LARGE1: variants seen among roughly 807,000 people sequenced by gnomAD.
LARGE1 encodes the protein LARGE xylosyl- and glucuronyltransferase 1, also known as xylosyl- and glucuronyltransferase LARGE1.
Under a neutral mutation model 87.6 loss-of-function variants are expected in LARGE1, and 43 were observed. That is an observed-to-expected ratio of 0.49 (90% CI 0.38 to 0.63). The LOEUF (loss-of-function observed/expected upper bound fraction) is 0.63. LARGE1 is among the 30% of genes least tolerant of loss of function. The probability of loss-of-function intolerance (pLI) is 0.00; values close to 1 mark genes in which losing one functional copy is unlikely to be tolerated. For synonymous variants in LARGE1, 434 were observed against 394.6 expected (o/e 1.10, Z -1.18); for missense variants, 802 against 1,000.2 (o/e 0.80, Z 2.67).
At chr22:33,250,625 T>A (rs1206357211) in intron 11 of LARGE1, among the ~76,000 whole-genome samples, 2 of 152,194 alleles carry the variant, frequency 1.3e-5, no homozygotes, top group African/African-American at 4.8e-5. Flanking sequence ...CCACTACGTG[T>A]GATATTAGCT....
chr22:33,700,075 A>T (rs1352109691), intron 2 of LARGE1, among the ~76,000 whole-genome samples: 1 of 152,126 alleles, frequency 6.6e-6, no homozygotes, highest in Non-Finnish European at 1.5e-5. Context: ...CCTTCTCTCC[A>T]GGAGCATGAG....
chr22:33,810,847 C>T (rs1601672614), intron 1 of LARGE1, among the ~76,000 whole-genome samples: 1 of 152,068 alleles, frequency 6.6e-6, no homozygotes, highest in South Asian at 2.1e-4. Context: ...CCTCAGTCTC[C>T]CAAGTAGCTG....
intron 2 of LARGE1, among the ~76,000 whole-genome samples, chr22:33,672,782 T>C (rs1309519954): frequency 6.6e-6 from 1 of 152,182 alleles, no homozygotes; most frequent in African/African-American, 2.4e-5. Flanking sequence ...CCCCAAATCA[T>C]CTGCATTTCA....
downstream of LARGE1, among the ~76,000 whole-genome samples, chr22:33,161,126 G>C (rs188582002): frequency 6.6e-6 from 1 of 152,124 alleles, no homozygotes; most frequent in South Asian, 2.1e-4. Context: ...GAGAAATGCC[G>C]AGCAAGTGGG....
intron 1 of LARGE1, among the ~76,000 whole-genome samples, chr22:33,783,304 A>G (rs1169813242): frequency 1.3e-5 from 2 of 152,132 alleles, no homozygotes; most frequent in African/African-American, 4.8e-5. Context: ...TAGAAGGCTG[A>G]GATATTTAAA....
the LARGE1 span, among the ~76,000 whole-genome samples, chr22:33,098,046 C>G: frequency 6.6e-6 from 1 of 152,326 alleles, no homozygotes; most frequent in African/African-American, 2.4e-5. Context: ...GTGGCTTACA[C>G]CTGCAATCCC....
intron 1 of LARGE1, among the ~76,000 whole-genome samples, chr22:33,893,240 T>C (rs1291580066): frequency 2.6e-5 from 4 of 152,076 alleles, no homozygotes; most frequent in African/African-American, 9.7e-5. Flanking sequence ...TCCAAAAGGG[T>C]AGGTAAAACA....
At chr22:33,194,736 A>G (rs1446080063) in intron 11 of LARGE1, among the ~76,000 whole-genome samples, 3 of 152,130 alleles carry the variant, frequency 2.0e-5, no homozygotes, top group East Asian at 3.9e-4. Flanking sequence ...GATGCCAGGG[A>G]CACGGAATGA....
intron 2 of LARGE1, among the ~76,000 whole-genome samples, chr22:33,662,898 T>C (rs535376816): frequency 4.6e-5 from 7 of 152,340 alleles, no homozygotes; most frequent in Non-Finnish European, 5.9e-5. Context: ...GGACATTCCT[T>C]TGCCTGTAAG....
At chr22:33,211,860 T>C (rs891650083) in intron 11 of LARGE1, among the ~76,000 whole-genome samples, 4 of 152,140 alleles carry the variant, frequency 2.6e-5, no homozygotes, top group African/African-American at 9.7e-5. Flanking sequence ...AAAGTCTGAG[T>C]GATCTGAATA....
intron 1 of LARGE1, among the ~76,000 whole-genome samples, chr22:33,885,893 G>A (rs777653260): frequency 7.9e-5 from 12 of 152,150 alleles, no homozygotes; most frequent in Non-Finnish European, 1.6e-4. Flanking sequence ...TTAGCCAGGC[G>A]TGGTGGCGTT....
intron 10 of LARGE1, among the ~76,000 whole-genome samples, chr22:33,330,437 C>T (rs114422460): frequency 0.015 from 2,271 of 152,190 alleles, 59 homozygotes; most frequent in African/African-American, 0.052. Flanking sequence ...ATCCTTGTGC[C>T]TCTGCCTCCA....
intron 1 of LARGE1, among the ~76,000 whole-genome samples, chr22:33,785,236 T>C (rs775251660): frequency 2.6e-5 from 4 of 151,630 alleles, no homozygotes; most frequent in Admixed American, 6.6e-5. Flanking sequence ...TGTGTATACA[T>C]ACATATGTGT....
chr22:33,856,665 T>C (rs1164870269), intron 1 of LARGE1: 1 of 152,226 alleles, frequency 6.6e-6, no homozygotes, highest in Non-Finnish European at 1.5e-5. Flanking sequence ...CAGATCGCCC[T>C]GCTGAAAAAC....
At chr22:33,700,122 T>C (rs117344028) in intron 2 of LARGE1, among the ~76,000 whole-genome samples, 590 of 152,230 alleles carry the variant, frequency 3.9e-3, no homozygotes, top group Non-Finnish European at 6.8e-3. Context: ...AATCTACGTA[T>C]TCCTTAAGGA....
intron 9 of LARGE1, among the ~76,000 whole-genome samples, chr22:33,363,384 T>C (rs558619559): frequency 1.3e-5 from 2 of 149,914 alleles, no homozygotes; most frequent in African/African-American, 4.9e-5. Context: ...ATGGCTTACA[T>C]TGGCAACAGG....
chr22:33,779,994 A>C (rs1336737098), intron 1 of LARGE1, among the ~76,000 whole-genome samples: 1 of 152,136 alleles, frequency 6.6e-6, no homozygotes, highest in Admixed American at 6.6e-5. Context: ...TGTGGGCTAG[A>C]AGTTCAAGAT....
chr22:33,595,790 C>T (rs2078961275), intron 5 of LARGE1, among the ~76,000 whole-genome samples: 1 of 152,200 alleles, frequency 6.6e-6, no homozygotes, highest in Admixed American at 6.5e-5. Context: ...TGGGCATGAA[C>T]ATAAATGTTA....
chr22:33,310,643 T>TA (rs1935470812), intron 11 of LARGE1, among the ~76,000 whole-genome samples: 1 of 152,202 alleles, frequency 6.6e-6, no homozygotes, highest in South Asian at 2.1e-4. Flanking sequence ...AAAGGTTTCT[T>TA]AAATTAAAAA....
Sources: gnomAD v4.1 joint callset for allele counts (sites outside exome capture counted in the v4.1 genomes callset) on GRCh38, gnomAD v4.1.1 for gene constraint, MANE v1.5 for transcripts, NCBI Gene and HGNC (gene_info 2026-07-23, HGNC 2026-07-21) for gene names.